Variants in KDM5A observed in about 807,000 individuals in gnomAD.
The protein encoded by KDM5A is lysine-specific demethylase 5A.
In KDM5A, 42 loss-of-function variants were observed where a neutral mutation model predicts 193.5. The ratio of observed to expected loss-of-function variants is 0.22; its 90% CI spans 0.17 to 0.28. The LOEUF is 0.28. Among genes scored for constraint, KDM5A ranks in the 10% least tolerant of loss-of-function variants. KDM5A has a pLI of 1.00. For synonymous variants in KDM5A, 796 were observed against 718.1 expected (o/e 1.11, Z -1.73); for missense variants, 1,692 against 2,055.1 (o/e 0.82, Z 3.42).
chr12:291,000 C>T (rs1047852214), intron 27 of KDM5A, among the ~76,000 whole-genome samples: 2 of 152,130 alleles, frequency 1.3e-5, no homozygotes, highest in Non-Finnish European at 2.9e-5. Flanking sequence ...AACTGCTACA[C>T]TTTGATACCC....
chr12:295,395 GAGGCAGGGAGGC>G (rs980531265), intron 26 of KDM5A, among the ~76,000 whole-genome samples, 166 bp downstream of exon 26: 1 of 151,586 alleles, frequency 6.6e-6, no homozygotes, highest in Non-Finnish European at 1.5e-5. Flanking sequence ...AGGAGGGAGG[GAGGCAGGGAGGC>G]AGGCAAGCCA....
At chr12:366,398 C>A (rs1944357598) in intron 3 of KDM5A, among the ~76,000 whole-genome samples, 1 of 152,086 alleles carries the variant, frequency 6.6e-6, no homozygotes, top group African/African-American at 2.4e-5. Flanking sequence ...CATGTACAGA[C>A]AGACTACCTA....
chr12:282,823 ATGCTTTGTATT>A lies in KDM5A; in HGVS notation c.*2622_*2632del, dbSNP rs1341249837. On this transcript the variant is annotated 3_prime_UTR_variant, in exon 28 of 28. Transcript: ENST00000399788. The stretch of plus-strand genomic sequence containing the variant: ...AAGTAATTTTCTCTAAGTGAAAATA[ATGCTTTGTATT>A]AGAACACCAACATTTCTTTAAATAG... 4.3e-6 allele frequency: 1 copy of A among 232,522 alleles called. No homozygotes were observed. The highest frequency in any genetic ancestry group is 2.2e-5 in the African/African-American group (1 of 45,316). 14.4% of individuals were successfully genotyped at this position (232,522 alleles called of 1,614,324 possible).
intron 19 of KDM5A, among the ~76,000 whole-genome samples, chr12:317,145 C>A (rs1386771166): frequency 6.6e-6 from 1 of 152,168 alleles, no homozygotes; most frequent in Non-Finnish European, 1.5e-5. Flanking sequence ...GATGCTAATA[C>A]AGCCACTCAA....
chr12:384,850 T>A (rs916420965), intron 2 of KDM5A, among the ~76,000 whole-genome samples: 3 of 152,202 alleles, frequency 2.0e-5, no homozygotes, highest in Admixed American at 2.0e-4. Context: ...TCACTGATAC[T>A]AATATGCTTT....
In KDM5A at chr12:354,189, CTTCA is replaced by C; in HGVS notation, c.912_915del (p.Asn304LysfsTer19). 1.2e-6 allele frequency: 2 copies of C among 1,611,948 alleles called. No homozygotes were observed. The highest frequency in any genetic ancestry group is 1.7e-6 in the Non-Finnish European group (2 of 1,178,248). On this transcript the variant is annotated frameshift_variant, in exon 8 of 28. Transcript: ENST00000399788. LOFTEE classifies it high-confidence loss of function. ...CATCCATCACACAAAAGCAATTTAT[CTTCA>C]TTGTTTCCCCGACCACAAAACATAC...
intron 1 of KDM5A, among the ~76,000 whole-genome samples, chr12:387,014 T>C (rs1056431976): frequency 1.3e-5 from 2 of 152,220 alleles, no homozygotes; most frequent in African/African-American, 4.8e-5. Flanking sequence ...TTATGTGTAA[T>C]GTGACAGAGC....
chr12:313,228 G>A, intron 19 of KDM5A, 34 bp from the exon 20 acceptor site: 1 of 1,611,036 alleles, frequency 6.2e-7, no homozygotes, highest in Non-Finnish European at 8.5e-7. Flanking sequence ...TAGGATGCAT[G>A]AGAAATCAAC....
chr12:283,608 C>T lies in KDM5A; in HGVS notation c.*1848G>A. ...CATACCCACTCAAACTGTAACTGGACAGTACATTTCACTTCTAGTTACTAG... is the reference window on the plus strand; with the variant it reads ...CATACCCACTCAAACTGTAACTGGATAGTACATTTCACTTCTAGTTACTAG... On this transcript the variant is annotated 3_prime_UTR_variant, in exon 28 of 28. Transcript: ENST00000399788. The T allele has an allele frequency of 4.3e-6, 1 of 233,154 alleles. No homozygotes were observed. The highest frequency in any genetic ancestry group is 8.5e-6 in the Non-Finnish European group (1 of 117,796). 14.4% of individuals were successfully genotyped at this position (233,154 alleles called of 1,614,324 possible).
Position 280,960 on chromosome 12 carries a change from G to A in KDM5A, c.*4496C>T, listed in dbSNP as rs1943149092. On this transcript the variant is annotated 3_prime_UTR_variant, in exon 28 of 28. Coordinates refer to ENST00000399788, the MANE Select transcript of KDM5A (RefSeq NM_001042603.3). Reference sequence around the variant, plus strand: ...AACTGCTTTGGCACAGGTCAAAGGTGGCTCCCATATACTCACTAGTTTTCC... The same window carrying A: ...AACTGCTTTGGCACAGGTCAAAGGTAGCTCCCATATACTCACTAGTTTTCC... The A allele has an allele frequency of 4.3e-6, 1 of 232,930 alleles. No individual in the cohort carries two copies. The highest frequency in any genetic ancestry group is 1.8e-4 in the South Asian group (1 of 5,522). The allele number at this position is 232,930 out of a possible 1,614,324, so 14.4% of individuals were successfully genotyped here.
chr12:332,090 T>C (rs1943873302), intron 12 of KDM5A, 152 bp from the exon 13 acceptor site: 2 of 708,804 alleles, frequency 2.8e-6, no homozygotes, highest in Non-Finnish European at 4.8e-6. Flanking sequence ...ATATCAGAAA[T>C]AGCCAGAATT....
At chr12:319,786 TTAAGA>T (rs1354113681) in intron 18 of KDM5A, among the ~76,000 whole-genome samples, 1 of 152,028 alleles carries the variant, frequency 6.6e-6, no homozygotes, top group Non-Finnish European at 1.5e-5. Context: ...AAAAAAGCCT[TTAAGA>T]TGCCTTTTAG....
chr12:323,348 C>A, intron 15 of KDM5A, 142 bp from the exon 16 acceptor site: 1 of 1,102,314 alleles, frequency 9.1e-7, no homozygotes, highest in Non-Finnish European at 1.3e-6. Context: ...TCTTAGTTCA[C>A]ATAAAGAGAA....
At chr12:347,701 G>A (rs1433924531) in intron 10 of KDM5A, among the ~76,000 whole-genome samples, 1 of 152,146 alleles carries the variant, frequency 6.6e-6, no homozygotes, top group Non-Finnish European at 1.5e-5. Context: ...GGGAAAACTG[G>A]CTAGCCACAT....
rs1454236604 is a variant in KDM5A, at chr12:333,421, AAAAAAAG to A, written c.1653+59_1653+65del. 18 of 1,588,902 alleles carry A rather than the reference AAAAAAAG, an allele frequency of 1.1e-5. No individual in the cohort carries two copies. The South Asian group carries it at 1.2e-4, about 11-fold the overall frequency. Reference sequence around the variant, plus strand: ...GCAACAGAGCAAGACCCTGTTTCAAAAAAAAAGAAAAAAGAAAAAACAAACAAACAAA... The same window carrying A: ...GCAACAGAGCAAGACCCTGTTTCAAAAAAAAAGAAAAAACAAACAAACAAA... On this transcript the variant is annotated intron_variant, in intron 12 of 27. Coordinates refer to ENST00000399788, the MANE Select transcript of KDM5A (RefSeq NM_001042603.3).
At chr12:296,315 T>A (rs1591899146) in intron 25 of KDM5A, among the ~76,000 whole-genome samples, 1 of 118,858 alleles carries the variant, frequency 8.4e-6, no homozygotes, top group African/African-American at 3.3e-5. Context: ...AGACAGAAAC[T>A]CCATCTCAAA....
At chr12:358,712 C>G (rs1027956754) in intron 5 of KDM5A, among the ~76,000 whole-genome samples, 1 of 152,128 alleles carries the variant, frequency 6.6e-6, no homozygotes, top group Non-Finnish European at 1.5e-5. Context: ...ATGACTCACA[C>G]TTGTAAATCC....
chr12:338,952 G>A (rs140930745), intron 10 of KDM5A, among the ~76,000 whole-genome samples: 43 of 152,176 alleles, frequency 2.8e-4, no homozygotes, highest in Non-Finnish European at 5.0e-4. Context: ...GGCCAAGGAG[G>A]GCAGATCACC....
intron 20 of KDM5A, among the ~76,000 whole-genome samples, chr12:312,601 A>G (rs1410454501): frequency 2.0e-5 from 3 of 152,262 alleles, no homozygotes; most frequent in African/African-American, 7.2e-5. Context: ...ACGAAAGAGT[A>G]AGTGAACTTT....
Sources: allele counts gnomAD v4.1 joint callset (sites outside exome capture counted in the v4.1 genomes callset), GRCh38; gene constraint gnomAD v4.1.1; transcripts MANE v1.5; gene names NCBI Gene and HGNC (gene_info 2026-07-23, HGNC 2026-07-21).